Variants in KCTD1 observed in about 807,000 individuals in gnomAD.
KCTD1 encodes the protein potassium channel tetramerization domain containing 1.
KCTD1 carries 24 observed loss-of-function variants against 66.0 expected under a neutral mutation model. The ratio of observed to expected loss-of-function variants is 0.36; its 90% CI spans 0.26 to 0.51. The LOEUF is 0.51. KCTD1 is among the 20% of genes least tolerant of loss of function. KCTD1 has a pLI of 0.95. For missense variants in KCTD1, 943 were observed against 1,205.2 expected, an observed-to-expected ratio of 0.78 and a Z score of 3.22; for synonymous variants, 511 against 517.2, an observed-to-expected ratio of 0.99 and a Z score of 0.16.
chr18:26,494,231 T>C (rs1258331882), intron 2 of KCTD1, among the ~76,000 whole-genome samples: 7 of 151,820 alleles, frequency 4.6e-5, no homozygotes, highest in African/African-American at 1.7e-4. Context: ...ATTAGCCGGG[T>C]ATGGTGGTGC....
chr18:26,600,194 A>G, intron 1 of KCTD1: 3 of 1,600,432 alleles, frequency 1.9e-6, no homozygotes, highest in South Asian at 1.1e-5. Flanking sequence ...AAGTCAAGGG[A>G]ACAGATGAGC....
intron 1 of KCTD1, among the ~76,000 whole-genome samples, chr18:26,516,966 C>T (rs914502051): frequency 2.0e-5 from 3 of 152,198 alleles, no homozygotes; most frequent in African/African-American, 7.2e-5. Context: ...AAATCAAACA[C>T]TCACAAGTTG....
upstream of KCTD1, among the ~76,000 whole-genome samples, chr18:26,641,602 A>G (rs1312816528): frequency 6.6e-6 from 1 of 151,730 alleles, no homozygotes; most frequent in South Asian, 2.1e-4. Flanking sequence ...AAGTTATGAC[A>G]ACCCCCATCC....
chr18:26,655,463 C>T (rs1185303238), intron 1 of KCTD1, among the ~76,000 whole-genome samples: 2 of 152,182 alleles, frequency 1.3e-5, no homozygotes, highest in Admixed American at 6.5e-5. Flanking sequence ...GACACACACA[C>T]GCACACATAC....
At chr18:26,455,974 T>C in intron 4 of KCTD1, 73 bp from the exon 5 acceptor site, 1 of 1,450,738 alleles carries the variant, frequency 6.9e-7, no homozygotes. Flanking sequence ...CCCCAAAGTT[T>C]GAGATTATGC....
At chr18:26,526,020 G>A (rs1022633757) in intron 1 of KCTD1, among the ~76,000 whole-genome samples, 1 of 152,152 alleles carries the variant, frequency 6.6e-6, no homozygotes, top group African/African-American at 2.4e-5. Context: ...CCCTGTAGTA[G>A]GTGTTTAGTG....
intron 1 of KCTD1, among the ~76,000 whole-genome samples, chr18:26,558,866 T>G (rs1229118883): frequency 6.6e-6 from 1 of 151,626 alleles, no homozygotes; most frequent in Non-Finnish European, 1.5e-5. Context: ...GAGGTTGCAG[T>G]GAGCCGAGAT....
intron 1 of KCTD1, among the ~76,000 whole-genome samples, chr18:26,593,912 C>T (rs529293295): frequency 1.1e-4 from 14 of 127,616 alleles, no homozygotes; most frequent in South Asian, 9.9e-4. Context: ...ATGAGGAGGA[C>T]GAGGAGGAAG....
At chr18:26,595,494 C>A (rs1200303847) in intron 1 of KCTD1, among the ~76,000 whole-genome samples, 5 of 152,326 alleles carry the variant, frequency 3.3e-5, no homozygotes, top group Admixed American at 1.3e-4. Context: ...GAGGGGCCTG[C>A]ACAACTCGTG....
At chr18:26,527,505 T>A (rs1243853463) in intron 1 of KCTD1, among the ~76,000 whole-genome samples, 2 of 114,540 alleles carry the variant, frequency 1.7e-5, no homozygotes, top group Non-Finnish European at 1.8e-5. Context: ...GGGGGGGGCG[T>A]GGGAGGGATG....
chr18:26,579,324 T>G (rs1487265107), intron 1 of KCTD1, among the ~76,000 whole-genome samples: 1 of 152,200 alleles, frequency 6.6e-6, no homozygotes, highest in African/African-American at 2.4e-5. Context: ...AGTGTCCAAT[T>G]AGTGTTGGAC....
At chr18:26,637,347 C>T (rs1342587507) in intron 1 of KCTD1, among the ~76,000 whole-genome samples, 1 of 152,182 alleles carries the variant, frequency 6.6e-6, no homozygotes, top group Non-Finnish European at 1.5e-5. Context: ...TTTATGTGAA[C>T]CCCAGAGACT....
chr18:26,610,575 AAG>A (rs201744168), intron 1 of KCTD1, among the ~76,000 whole-genome samples: 4 of 149,688 alleles, frequency 2.7e-5, no homozygotes, highest in Admixed American at 6.6e-5. Flanking sequence ...GGCTCTAAGA[AAG>A]AGAGAGAGAG....
Position 26,547,952 on chromosome 18 carries a change from G to C in KCTD1, c.585C>G (p.Asp195Glu). 6.5e-7 allele frequency: 1 copy of C among 1,542,676 alleles called. No individual in the cohort carries two copies. Among genetic ancestry groups the C allele is most frequent in the Non-Finnish European group, 8.7e-7 (1 of 1,146,618 alleles). ...EYLSEKAQSP[D>E]FETMDKGALC... ...GCGCCCCCTTGTCCATGGTCTCGAA[G>C]TCCGGGCTCTGCGCCTTCTCGCTCA... The change falls in exon 1 of 5, where the codon GAC becomes GAG. Residue 195 changes from aspartate (D) to glutamate (E), a missense_variant. Transcript: ENST00000580059.
At chr18:26,624,722 G>A (rs1030277206) in intron 1 of KCTD1, among the ~76,000 whole-genome samples, 2 of 152,256 alleles carry the variant, frequency 1.3e-5, no homozygotes, top group African/African-American at 4.8e-5. Flanking sequence ...CCTACGAGGA[G>A]TGCCCACTGG....
intron 1 of KCTD1, among the ~76,000 whole-genome samples, chr18:26,628,924 G>A (rs1255235550): frequency 6.6e-6 from 1 of 152,188 alleles, no homozygotes; most frequent in Non-Finnish European, 1.5e-5. Context: ...ATAACTGCTG[G>A]AGAGTTTCCG....
At chr18:26,510,604 C>T (rs1246256996) in intron 1 of KCTD1, among the ~76,000 whole-genome samples, 1 of 152,032 alleles carries the variant, frequency 6.6e-6, no homozygotes. Context: ...ATCTGAGAAG[C>T]TCCCTTATTA....
intron 1 of KCTD1, among the ~76,000 whole-genome samples, chr18:26,517,658 C>CAAAAAAA (rs968619785): frequency 1.9e-5 from 1 of 53,408 alleles, no homozygotes; most frequent in Non-Finnish European, 3.3e-5. Flanking sequence ...ACTCCGTCTC[C>CAAAAAAA]AAAAAAAAAA....
chr18:26,456,121 C>G, intron 4 of KCTD1: 1 of 519,354 alleles, frequency 1.9e-6, no homozygotes, highest in Non-Finnish European at 3.4e-6. Context: ...TTGCTTTACA[C>G]ACACCAGCTA....
Sources: allele counts gnomAD v4.1 joint callset (sites outside exome capture counted in the v4.1 genomes callset), GRCh38; gene constraint gnomAD v4.1.1; transcripts MANE v1.5; gene names NCBI Gene and HGNC (gene_info 2026-07-23, HGNC 2026-07-21).